Variants in MBD5 observed in about 807,000 individuals in gnomAD.
MBD5 encodes methyl-CpG binding domain protein 5, also known as methyl-CpG-binding domain protein 5.
Under a neutral mutation model 117.3 loss-of-function variants are expected in MBD5, and 13 were observed. That is an observed-to-expected ratio of 0.11 (90% CI 0.07 to 0.18). MBD5 has a LOEUF of 0.18. Among genes scored for constraint, MBD5 ranks in the 10% least tolerant of loss-of-function variants. The pLI is 1.00. For missense variants in MBD5, 1,879 were observed against 2,093.8 expected (o/e 0.90, Z 2.00); for synonymous variants, 727 against 766.4 (o/e 0.95, Z 0.85).
intron 1 of MBD5, among the ~76,000 whole-genome samples, chr2:148,085,064 G>A (rs1450509653): frequency 6.6e-6 from 1 of 152,154 alleles, no homozygotes; most frequent in Non-Finnish European, 1.5e-5. Context: ...AGCATCCCCT[G>A]TGCCACATTT....
At position 148,338,677 on chromosome 2, in the gene MBD5, T is replaced by C. The variant is rs573270458; in HGVS notation, c.-679-3537T>C. On this transcript the variant is annotated intron_variant, in intron 3 of 13. Transcript: ENST00000642680. ...AGCAAAATATGTGTATTACTTTTTA[T>C]GTTTTTGCAAAGCACACAGTTTAGA... 9.2e-5 allele frequency among the ~76,000 whole-genome samples: 14 copies of C among 152,292 alleles called. No homozygotes were observed. The South Asian group carries it at 2.9e-3, about 32-fold the overall frequency.
intron 4 of MBD5, among the ~76,000 whole-genome samples, chr2:148,401,967 T>G (rs965397923): frequency 2.0e-5 from 3 of 152,044 alleles, no homozygotes; most frequent in Non-Finnish European, 4.4e-5. Context: ...ATTTTCTCCT[T>G]AGTAGATTAA....
At chr2:148,285,883 A>G (rs1404591233) in intron 3 of MBD5, among the ~76,000 whole-genome samples, 1 of 152,178 alleles carries the variant, frequency 6.6e-6, no homozygotes, top group Non-Finnish European at 1.5e-5. Flanking sequence ...TTTTATATAC[A>G]TTAAATTTTA....
At chr2:148,082,092 A>C (rs942940473) in intron 1 of MBD5, among the ~76,000 whole-genome samples, 4 of 152,176 alleles carry the variant, frequency 2.6e-5, no homozygotes, top group African/African-American at 9.6e-5. Context: ...TTGAGGAAAT[A>C]CTTCGCACTT....
At chr2:148,497,658 C>T (rs1162528794) in intron 11 of MBD5, among the ~76,000 whole-genome samples, 1 of 151,602 alleles carries the variant, frequency 6.6e-6, no homozygotes, top group Non-Finnish European at 1.5e-5. Flanking sequence ...GGTGGTGCAC[C>T]CCTATAATTC....
intron 4 of MBD5, among the ~76,000 whole-genome samples, chr2:148,359,505 G>T (rs1703475193): frequency 6.6e-6 from 1 of 151,960 alleles, no homozygotes; most frequent in African/African-American, 2.4e-5. Flanking sequence ...TCCTTTAAAA[G>T]GGCACTATTG....
At chr2:148,242,655 T>C (rs1217419178) in intron 3 of MBD5, among the ~76,000 whole-genome samples, 1 of 152,126 alleles carries the variant, frequency 6.6e-6, no homozygotes, top group African/African-American at 2.4e-5. Context: ...GTGAAATAAA[T>C]ATGTGTGTAT....
At chr2:148,220,272 A>G (rs1699653149) in intron 2 of MBD5, among the ~76,000 whole-genome samples, 1 of 152,308 alleles carries the variant, frequency 6.6e-6, no homozygotes, top group Non-Finnish European at 1.5e-5. Context: ...TGACTGTAGG[A>G]CAAGATTTAC....
intron 1 of MBD5, among the ~76,000 whole-genome samples, chr2:148,119,151 C>T (rs1558933345): frequency 6.6e-6 from 1 of 152,106 alleles, no homozygotes. Context: ...AATGGGCATT[C>T]CAGTTTCTTC....
At chr2:148,330,534 C>T (rs1702617950) in intron 3 of MBD5, 1 of 152,126 alleles carries the variant, frequency 6.6e-6, no homozygotes, top group Non-Finnish European at 1.5e-5. Flanking sequence ...TAAGTCTTCT[C>T]ATTACAAATC....
At chr2:148,471,859 A>G (rs1232716933) in intron 8 of MBD5, 1 of 152,050 alleles carries the variant, frequency 6.6e-6, no homozygotes, top group Non-Finnish European at 1.5e-5. Context: ...CTCACTCATC[A>G]TATTTCTTTT....
At chr2:148,251,185 G>C (rs1472443976) in intron 3 of MBD5, among the ~76,000 whole-genome samples, 1 of 152,152 alleles carries the variant, frequency 6.6e-6, no homozygotes, top group African/African-American at 2.4e-5. Context: ...AAGTCTGCCA[G>C]AGCAATTATT....
chr2:148,262,931 T>C (rs1239863769), intron 3 of MBD5, among the ~76,000 whole-genome samples: 1 of 152,234 alleles, frequency 6.6e-6, no homozygotes, highest in East Asian at 1.9e-4. Flanking sequence ...TAGTCTGATC[T>C]AGGCTAATTG....
At position 148,065,911 on chromosome 2, in the gene MBD5, G is replaced by C. The variant is rs1044406161; in HGVS notation, c.-925+44227G>C. Among the ~76,000 whole-genome samples, 3 of 152,184 alleles carry C rather than the reference G, an allele frequency of 2.0e-5. 1 individual carries two copies. The highest frequency in any genetic ancestry group is 2.0e-4 in the Admixed American group (3 of 15,278). ...AGTTAATAAGACATATCTGTAATTT[G>C]TATGTTCCAAAATTAAGCTTATGCT... is the stretch of plus-strand genomic sequence containing the variant. On this transcript the variant is annotated intron_variant, in intron 1 of 13. Coordinates refer to ENST00000642680, the MANE Select transcript of MBD5 (RefSeq NM_001378120.1).
intron 4 of MBD5, among the ~76,000 whole-genome samples, chr2:148,401,648 A>G (rs1704924849): frequency 6.6e-6 from 1 of 151,930 alleles, no homozygotes; most frequent in Admixed American, 6.6e-5. Flanking sequence ...GAACATTCCT[A>G]TATACCCTTT....
intron 1 of MBD5, among the ~76,000 whole-genome samples, chr2:148,118,913 A>G (rs1156789164): frequency 6.6e-6 from 1 of 152,116 alleles, no homozygotes; most frequent in Non-Finnish European, 1.5e-5. Flanking sequence ...TATATACCAC[A>G]TTTTGTTCAC....
intron 3 of MBD5, among the ~76,000 whole-genome samples, chr2:148,340,573 A>C (rs1049684969): frequency 1.3e-5 from 2 of 152,128 alleles, no homozygotes; most frequent in Non-Finnish European, 2.9e-5. Context: ...GTAGTGTTTT[A>C]TCCAATTCAT....
intron 1 of MBD5, among the ~76,000 whole-genome samples, chr2:148,169,497 C>G (rs1698206135): frequency 6.6e-6 from 1 of 152,128 alleles, no homozygotes; most frequent in African/African-American, 2.4e-5. Context: ...ACAAGTTACA[C>G]AAAAATCACT....
rs1174099071 is a variant in MBD5, at chr2:148,145,763, T to G, written c.-924-32937T>G. On this transcript the variant is annotated intron_variant, in intron 1 of 13. Coordinates refer to ENST00000642680, the MANE Select transcript of MBD5 (RefSeq NM_001378120.1). Reference sequence around the variant, plus strand: ...GATGGATTACATTTATTGATTTGCATATGTCGAACCAGCCTTGCATCCCAG... The same window carrying G: ...GATGGATTACATTTATTGATTTGCAGATGTCGAACCAGCCTTGCATCCCAG... 5.3e-5 allele frequency among the ~76,000 whole-genome samples: 8 copies of G among 152,318 alleles called. No homozygotes were observed. In the East Asian group the frequency reaches 1.5e-3, roughly 29 times the overall value.
Sources: gnomAD v4.1 joint callset for allele counts (sites outside exome capture counted in the v4.1 genomes callset) on GRCh38, gnomAD v4.1.1 for gene constraint, MANE v1.5 for transcripts, NCBI Gene and HGNC (gene_info 2026-07-23, HGNC 2026-07-21) for gene names.